The following ANKRD33B variants were observed in gnomAD, a reference collection of about 807,000 sequenced individuals.
The protein encoded by ANKRD33B is ankyrin repeat domain 33B, also known as ankyrin repeat domain-containing protein 33B.
ANKRD33B carries 6 observed loss-of-function variants against 21.5 expected under a neutral mutation model. That is an observed-to-expected ratio of 0.28 (90% CI 0.15 to 0.55). The LOEUF is 0.55. ANKRD33B is among the 20% of genes least tolerant of loss of function. The probability of loss-of-function intolerance (pLI) is 0.94; values close to 1 mark genes in which losing one functional copy is unlikely to be tolerated. For missense variants in ANKRD33B, 698 were observed against 747.2 expected, an observed-to-expected ratio of 0.93 and a Z score of 0.77; for synonymous variants, 347 against 342.4, an observed-to-expected ratio of 1.01 and a Z score of -0.15.
At position 10,650,004 on chromosome 5, in the gene ANKRD33B, G is replaced by C. The variant is rs1412085595; in HGVS notation, c.1376G>C (p.Arg459Pro). 1 of 1,533,508 alleles carries C rather than the reference G, an allele frequency of 6.5e-7. No individual in the cohort carries two copies. The highest frequency in any genetic ancestry group is 8.7e-7 in the Non-Finnish European group (1 of 1,144,820). The allele number at this position is 1,533,508 out of a possible 1,614,324, so 95.0% of individuals were successfully genotyped here. ...GGCCACCTGCAGATCCCCAAGTGGC[G>C]GTACAAGGAGGCCAAGGAGGAGAAG... Reference protein sequence around the residue: ...DSGHLQIPKWRYKEAKEEKRK... With the variant: ...DSGHLQIPKWPYKEAKEEKRK... The change falls in exon 4 of 4, where the codon CGG becomes CCG. Residue 459 changes from arginine to proline, a missense_variant. Around this residue, in one of 3 missense-constraint regions of ANKRD33B, gnomAD observed 543 missense variants for 566.5 expected, o/e 0.96. Transcript: ENST00000296657.
At chr5:10,588,069 T>C (rs1735606755) in intron 1 of ANKRD33B, among the ~76,000 whole-genome samples, 1 of 152,214 alleles carries the variant, frequency 6.6e-6, no homozygotes, top group South Asian at 2.1e-4. Flanking sequence ...TGAATGTTAA[T>C]TATCAAAAAT....
chr5:10,631,752 G>T (rs1013020567), intron 2 of ANKRD33B, among the ~76,000 whole-genome samples: 3 of 152,230 alleles, frequency 2.0e-5, no homozygotes, highest in Non-Finnish European at 4.4e-5. Context: ...AAGCAACAGC[G>T]TTAGCATGAT....
intron 1 of ANKRD33B, among the ~76,000 whole-genome samples, chr5:10,589,351 C>A (rs1735635900): frequency 6.6e-6 from 1 of 152,160 alleles, no homozygotes; most frequent in Non-Finnish European, 1.5e-5. Flanking sequence ...ATTCATTTTG[C>A]AGTCTGAGTG....
At chr5:10,629,388 G>A (rs144840828) in intron 2 of ANKRD33B, among the ~76,000 whole-genome samples, 3 of 152,320 alleles carry the variant, frequency 2.0e-5, no homozygotes, top group East Asian at 3.9e-4. Context: ...TTGGCAGAAT[G>A]TGGTGATTGC....
At chr5:10,612,095 G>A (rs1736183871) in intron 1 of ANKRD33B, among the ~76,000 whole-genome samples, 1 of 152,208 alleles carries the variant, frequency 6.6e-6, no homozygotes, top group East Asian at 1.9e-4. Flanking sequence ...ATATGTTGAA[G>A]CAATCAACTG....
intron 2 of ANKRD33B, among the ~76,000 whole-genome samples, chr5:10,636,666 G>T (rs1736874679): frequency 6.6e-6 from 1 of 152,168 alleles, no homozygotes; most frequent in Non-Finnish European, 1.5e-5. Context: ...CTCCCCTGGG[G>T]TTCAGGAGGA....
At chr5:10,566,314 T>G (rs1735055860) in intron 1 of ANKRD33B, among the ~76,000 whole-genome samples, 1 of 152,200 alleles carries the variant, frequency 6.6e-6, no homozygotes, top group South Asian at 2.1e-4. Context: ...TGGCATGTGA[T>G]TAGGGCTTGG....
chr5:10,585,681 C>A (rs967683093), intron 1 of ANKRD33B, among the ~76,000 whole-genome samples: 1 of 152,164 alleles, frequency 6.6e-6, no homozygotes, highest in African/African-American at 2.4e-5. Context: ...TTGCTGGGAG[C>A]CCTCATGAAA....
intron 2 of ANKRD33B, among the ~76,000 whole-genome samples, chr5:10,622,398 A>C (rs927938368): frequency 1.2e-4 from 19 of 152,308 alleles, no homozygotes; most frequent in Admixed American, 3.9e-4. Flanking sequence ...ACCTAAGTAA[A>C]AGCCCATATT....
chr5:10,613,897 T>C (rs1736226505), intron 1 of ANKRD33B, among the ~76,000 whole-genome samples: 1 of 126,994 alleles, frequency 7.9e-6, no homozygotes, highest in Non-Finnish European at 1.6e-5. Flanking sequence ...AGACTCCATC[T>C]CAAAAAAAAA....
intron 1 of ANKRD33B, among the ~76,000 whole-genome samples, chr5:10,581,440 C>T (rs1296253967): frequency 6.6e-6 from 1 of 152,238 alleles, no homozygotes; most frequent in South Asian, 2.1e-4. Flanking sequence ...GTCTGGGATC[C>T]TCTACCCTGG....
At chr5:10,571,193 T>A (rs1735179490) in intron 1 of ANKRD33B, among the ~76,000 whole-genome samples, 1 of 151,948 alleles carries the variant, frequency 6.6e-6, no homozygotes, top group Admixed American at 6.6e-5. Flanking sequence ...TATTTTAAAA[T>A]CTTATTTGTT....
intron 2 of ANKRD33B, among the ~76,000 whole-genome samples, chr5:10,625,932 C>T (rs533600881): frequency 2.0e-5 from 3 of 151,968 alleles, no homozygotes; most frequent in African/African-American, 7.3e-5. Context: ...CTGTCAATTA[C>T]GGGGGGAAGG....
At chr5:10,627,555 G>T (rs1179875733) in intron 2 of ANKRD33B, 2 of 152,244 alleles carry the variant, frequency 1.3e-5, no homozygotes, top group Non-Finnish European at 2.9e-5. Context: ...CTGCGGGGGA[G>T]CCCTGGTTCC....
At chr5:10,635,517 G>A (rs1163765723) in intron 2 of ANKRD33B, among the ~76,000 whole-genome samples, 1 of 152,202 alleles carries the variant, frequency 6.6e-6, no homozygotes, top group East Asian at 1.9e-4. Flanking sequence ...CGTACCCTTT[G>A]TTTCCTGCTT....
At chr5:10,632,815 T>G (rs1736757771) in intron 2 of ANKRD33B, among the ~76,000 whole-genome samples, 1 of 152,260 alleles carries the variant, frequency 6.6e-6, no homozygotes, top group South Asian at 2.1e-4. Flanking sequence ...TGAGACAGTG[T>G]CTTGCTCTGT....
At chr5:10,623,774 T>C (rs1462799047) in intron 2 of ANKRD33B, among the ~76,000 whole-genome samples, 3 of 152,160 alleles carry the variant, frequency 2.0e-5, no homozygotes, top group Admixed American at 2.0e-4. Flanking sequence ...GTCTGGGCTA[T>C]CCTGAGGGCA....
intron 2 of ANKRD33B, among the ~76,000 whole-genome samples, chr5:10,634,012 G>A (rs1017396375): frequency 6.6e-6 from 1 of 152,182 alleles, no homozygotes. Flanking sequence ...CCTTGAGAGT[G>A]GAGTGCCTGC....
intron 1 of ANKRD33B, among the ~76,000 whole-genome samples, chr5:10,571,537 C>T (rs1012349142): frequency 2.6e-5 from 4 of 152,208 alleles, no homozygotes; most frequent in Non-Finnish European, 5.9e-5. Flanking sequence ...GGTGTCCACA[C>T]TGGGGCTTGT....
Sources: gnomAD v4.1 joint callset for allele counts (sites outside exome capture counted in the v4.1 genomes callset) on GRCh38, gnomAD v4.1.1 for gene constraint, gnomAD v4.1.1 regional missense constraint, MANE v1.5 for transcripts, NCBI Gene and HGNC (gene_info 2026-07-23, HGNC 2026-07-21) for gene names.